GNAI1: variants seen among roughly 807,000 people sequenced by gnomAD.
The protein encoded by GNAI1 is G protein subunit alpha i1.
A neutral mutation model predicts 38.9 loss-of-function variants in GNAI1; 11 were observed. The ratio of observed to expected loss-of-function variants is 0.28; its 90% CI spans 0.18 to 0.47. The LOEUF (loss-of-function observed/expected upper bound fraction) is 0.47, where lower values mean the gene tolerates loss of function less well. GNAI1 is among the 20% of genes least tolerant of loss of function. The pLI, the probability that GNAI1 is intolerant of heterozygous loss-of-function variation, is 0.99. For missense variants in GNAI1, 317 were observed against 436.9 expected (o/e 0.73, Z 2.45); for synonymous variants, 166 against 145.1 (o/e 1.14, Z -1.04).
At chr7:80,139,501 GC>G (rs1787485071) in intron 1 of GNAI1, among the ~76,000 whole-genome samples, 1 of 152,130 alleles carries the variant, frequency 6.6e-6, no homozygotes, top group African/African-American at 2.4e-5. Context: ...TTATCCTTCT[GC>G]CCAGCCTATT....
chr7:80,161,382 T>C lies in GNAI1; in HGVS notation c.118+26104T>C, dbSNP rs373997357. On this transcript the variant is annotated intron_variant, in intron 1 of 7. Coordinates refer to ENST00000649796, the MANE Select transcript of GNAI1 (RefSeq NM_002069.6). Reference sequence around the variant, plus strand: ...TTAGAATCTTATATCAGCAACAGTATTTTTTTGATAAGCATTTTAGGAGTT... The same window carrying C: ...TTAGAATCTTATATCAGCAACAGTACTTTTTTGATAAGCATTTTAGGAGTT... Among the ~76,000 whole-genome samples the C allele has an allele frequency of 4.7e-4, 71 of 152,266 alleles. 1 individual carries two copies. In the South Asian group the frequency reaches 0.014, roughly 29 times the overall value.
In GNAI1 at chr7:80,150,598, GAGGGAA is replaced by G. The variant is rs989492650; in HGVS notation, c.118+15321_118+15326del. Among the ~76,000 whole-genome samples, 6 of 152,322 alleles carry G rather than the reference GAGGGAA, an allele frequency of 3.9e-5. No individual in the cohort carries two copies. The East Asian group carries it at 9.6e-4, about 24-fold the overall frequency. On this transcript the variant is annotated intron_variant, in intron 1 of 7. Transcript: ENST00000649796. Reference sequence around the variant, plus strand: ...TGCTGGTTACTTCTGAGGAGGCGGAGAGGGAAGTGGATCAGGAGGATGCATCCAGGG... The same window carrying G: ...TGCTGGTTACTTCTGAGGAGGCGGAGGTGGATCAGGAGGATGCATCCAGGG...
Position 80,137,321 on chromosome 7 carries a change from T to C in GNAI1, c.118+2043T>C, listed in dbSNP as rs201834750. Among the ~76,000 whole-genome samples the C allele has an allele frequency of 7.2e-4, 91 of 125,548 alleles. 1 individual carries two copies. The South Asian group carries it at 0.02, about 27-fold the overall frequency. The allele number at this position is 125,548 out of a possible 152,430, so 82.4% of individuals were successfully genotyped here. On this transcript the variant is annotated intron_variant, in intron 1 of 7. Transcript: ENST00000649796. ...TTTTTTTTTTTCTTTTCTTTTCTTTTTTTTTTTTTTTTTTTTTGAGACGGA... is the reference window on the plus strand; with the variant it reads ...TTTTTTTTTTTCTTTTCTTTTCTTTCTTTTTTTTTTTTTTTTTGAGACGGA...
At chr7:80,211,984 T>C (rs1409466640) in intron 6 of GNAI1, among the ~76,000 whole-genome samples, 1 of 152,140 alleles carries the variant, frequency 6.6e-6, no homozygotes, top group East Asian at 1.9e-4. Flanking sequence ...AACCTGAGTA[T>C]ACAGAAAGCC....
intron 1 of GNAI1, among the ~76,000 whole-genome samples, chr7:80,170,990 A>C (rs945076481): frequency 1.3e-5 from 2 of 152,186 alleles, no homozygotes; most frequent in Non-Finnish European, 2.9e-5. Context: ...GGCTTTAGTA[A>C]AGACAGTTTG....
At chr7:80,161,529 ATGTTTGTGTCATAAT>A (rs1787922990) in intron 1 of GNAI1, among the ~76,000 whole-genome samples, 2 of 152,312 alleles carry the variant, frequency 1.3e-5, no homozygotes, top group Non-Finnish European at 2.9e-5. Context: ...CCACTCAATT[ATGTTTGTGTCATAAT>A]TGTTTGTGTC....
At chr7:80,183,348 A>G (rs777712708) in intron 1 of GNAI1, among the ~76,000 whole-genome samples, 5 of 152,190 alleles carry the variant, frequency 3.3e-5, no homozygotes, top group Non-Finnish European at 7.3e-5. Flanking sequence ...TTACAGTAGC[A>G]TTATAATAAA....
intron 1 of GNAI1, among the ~76,000 whole-genome samples, chr7:80,144,759 G>A (rs117153566): frequency 0.01 from 1,562 of 152,238 alleles, 10 homozygotes; most frequent in Non-Finnish European, 0.015. Context: ...AATGTAGTAG[G>A]AGTTAAACTG....
intron 3 of GNAI1, among the ~76,000 whole-genome samples, chr7:80,190,828 GT>G (rs1345060921): frequency 6.6e-6 from 1 of 152,024 alleles, no homozygotes; most frequent in Non-Finnish European, 1.5e-5. Flanking sequence ...AATACAAACA[GT>G]TTTTCATGAG....
intron 1 of GNAI1, among the ~76,000 whole-genome samples, chr7:80,178,572 C>G (rs1788235274): frequency 6.6e-6 from 1 of 152,148 alleles, no homozygotes; most frequent in South Asian, 2.1e-4. Context: ...AAGATGATGA[C>G]TCGCTGAAGG....
In GNAI1 at chr7:80,135,181, C is replaced by T. The variant is rs368128822; in HGVS notation, c.21C>T (p.Ala7=). The T allele has an allele frequency of 1.4e-5, 21 of 1,543,614 alleles. No homozygotes were observed. In the East Asian group the frequency reaches 2.3e-4, roughly 17 times the overall value. Residue 7 remains alanine, a synonymous_variant, in exon 1 of 8, where the codon GCC becomes GCT. Coordinates refer to ENST00000649796, the MANE Select transcript of GNAI1 (RefSeq NM_002069.6). ...GCACCATGGGCTGCACGCTGAGCGC[C>T]GAGGACAAGGCGGCGGTGGAGCGGA... The part of the protein sequence containing the change: MGCTLS[A]EDKAAVERSK...
At chr7:80,157,540 G>A (rs1405116178) in intron 1 of GNAI1, among the ~76,000 whole-genome samples, 1 of 152,140 alleles carries the variant, frequency 6.6e-6, no homozygotes, top group Non-Finnish European at 1.5e-5. Context: ...CACAGAGACT[G>A]TACCATTTTG....
At chr7:80,153,154 G>GC (rs1387341155) in intron 1 of GNAI1, among the ~76,000 whole-genome samples, 3 of 152,108 alleles carry the variant, frequency 2.0e-5, no homozygotes, top group Non-Finnish European at 4.4e-5. Context: ...TGACAGGCCA[G>GC]CCCCTGCATG....
intron 3 of GNAI1, among the ~76,000 whole-genome samples, chr7:80,195,107 GTTCTCTTGTC>G (rs1788545031): frequency 6.6e-6 from 1 of 151,686 alleles, no homozygotes; most frequent in Non-Finnish European, 1.5e-5. Context: ...GTATTGACAA[GTTCTCTTGTC>G]AATACCAGGA....
rs1472323992 is a variant in GNAI1 at position 80,217,445 on chromosome 7, A to C, written c.1017A>C (p.Val339=). The part of the protein sequence containing the change: ...TKNVQFVFDA[V]TDVIIKNNLK... ...ATGTGCAGTTTGTTTTTGATGCTGT[A>C]ACAGATGTCATCATAAAAAATAATC... Residue 339 remains valine, a synonymous_variant, in exon 8 of 8, where the codon GTA becomes GTC. Transcript: ENST00000649796. The C allele has an allele frequency of 6.2e-7, 1 of 1,607,808 alleles. No homozygotes were observed. The highest frequency in any genetic ancestry group is 8.5e-7 in the Non-Finnish European group (1 of 1,177,612).
rs552567328 is a variant in GNAI1 at position 80,166,675 on chromosome 7, C to T, written c.119-22276C>T. On this transcript the variant is annotated intron_variant, in intron 1 of 7. Transcript: ENST00000649796. ...ATTTACTTTTAGTCCCTTAAAATGA[C>T]ATGGGTGCTTTGGCAATAATATCTA... Among the ~76,000 whole-genome samples the T allele has an allele frequency of 5.3e-3, 813 of 152,268 alleles. 8 individuals are homozygous for T. Among genetic ancestry groups the T allele is most frequent in the African/African-American group, 0.018 (768 of 41,554 alleles).
At chr7:80,196,982 CTACAGTCCTCATATTG>C (rs1413873352) in intron 3 of GNAI1, among the ~76,000 whole-genome samples, 2 of 151,838 alleles carry the variant, frequency 1.3e-5, no homozygotes, top group Non-Finnish European at 2.9e-5. Context: ...TTTTAATTAG[CTACAGTCCTCATATTG>C]TACTTCAGTC....
intron 5 of GNAI1, among the ~76,000 whole-genome samples, chr7:80,210,567 CA>C (rs1788855227): frequency 6.6e-6 from 1 of 152,098 alleles, no homozygotes; most frequent in Non-Finnish European, 1.5e-5. Context: ...GTGACTGTGG[CA>C]AATGGAATAT....
chr7:80,192,918 C>G (rs540077466), intron 3 of GNAI1, among the ~76,000 whole-genome samples: 10 of 151,922 alleles, frequency 6.6e-5, no homozygotes, highest in Non-Finnish European at 1.0e-4. Context: ...AGGCTGGTCT[C>G]GATCTCCTGA....
Sources: allele counts gnomAD v4.1 joint callset (sites outside exome capture counted in the v4.1 genomes callset), GRCh38; gene constraint gnomAD v4.1.1; transcripts MANE v1.5; gene names NCBI Gene and HGNC (gene_info 2026-07-23, HGNC 2026-07-21).